ARFGEF1: variants seen among roughly 807,000 people sequenced by gnomAD.
ARFGEF1 encodes ARF guanine nucleotide exchange factor 1.
Under a neutral mutation model 231.0 loss-of-function variants are expected in ARFGEF1, and 42 were observed. The ratio of observed to expected loss-of-function variants is 0.18; its 90% CI spans 0.14 to 0.24. The LOEUF is 0.24. Ranked by LOEUF, ARFGEF1 falls within the 10% of genes least tolerant of loss-of-function variation. The probability of loss-of-function intolerance (pLI) is 1.00; values close to 1 mark genes in which losing one functional copy is unlikely to be tolerated. For synonymous variants in ARFGEF1, 710 were observed against 732.3 expected, an observed-to-expected ratio of 0.97 and a Z score of 0.49; for missense variants, 1,345 against 2,192.0, an observed-to-expected ratio of 0.61 and a Z score of 7.72.
chr8:67,187,577 G>T (rs1023718199), intron 5 of ARFGEF1, among the ~76,000 whole-genome samples: 1 of 152,102 alleles, frequency 6.6e-6, no homozygotes, highest in African/African-American at 2.4e-5. Flanking sequence ...CTAGCTATTT[G>T]GGAGGCTGAG....
intron 1 of ARFGEF1, among the ~76,000 whole-genome samples, chr8:67,325,000 G>A (rs966660028): frequency 1.3e-5 from 2 of 150,060 alleles, no homozygotes; most frequent in African/African-American, 4.9e-5. Flanking sequence ...TGCAACCTCC[G>A]CCTCCTGCAT....
intron 37 of ARFGEF1, among the ~76,000 whole-genome samples, chr8:67,201,114 A>G (rs1011914202): frequency 6.6e-6 from 1 of 152,276 alleles, no homozygotes; most frequent in Non-Finnish European, 1.5e-5. Flanking sequence ...AACGCTAAGA[A>G]AAACTCCAAA....
chr8:67,280,195 C>T (rs940131451), intron 7 of ARFGEF1, among the ~76,000 whole-genome samples: 1 of 152,152 alleles, frequency 6.6e-6, no homozygotes, highest in Non-Finnish European at 1.5e-5. Flanking sequence ...TTCTAAAAGA[C>T]TTCAAAGCCT....
At chr8:67,299,829 G>A (rs1178675989) in intron 3 of ARFGEF1, among the ~76,000 whole-genome samples, 1 of 152,082 alleles carries the variant, frequency 6.6e-6, no homozygotes, top group Non-Finnish European at 1.5e-5. Context: ...TTAGCTGGGT[G>A]TGGTGGTACA....
chr8:67,251,549 A>G, intron 18 of ARFGEF1, 99 bp from the exon 19 acceptor site: 1 of 1,178,858 alleles, frequency 8.5e-7, no homozygotes, highest in Non-Finnish European at 1.1e-6. Context: ...AGTAATTAAA[A>G]GTAATCCTAA....
chr8:67,320,928 C>A (rs1446636928), intron 1 of ARFGEF1, among the ~76,000 whole-genome samples: 1 of 152,044 alleles, frequency 6.6e-6, no homozygotes, highest in Non-Finnish European at 1.5e-5. Context: ...CGCACTTCAG[C>A]CTGGGCAATA....
At chr8:67,201,259 T>A (rs555297389) in intron 37 of ARFGEF1, among the ~76,000 whole-genome samples, 5 of 152,334 alleles carry the variant, frequency 3.3e-5, no homozygotes, top group South Asian at 4.1e-4. Context: ...GAAAACCTCC[T>A]TTGTCCTGCA....
intron 7 of ARFGEF1, among the ~76,000 whole-genome samples, chr8:67,278,831 A>G (rs1470152159): frequency 6.6e-6 from 1 of 152,216 alleles, no homozygotes; most frequent in Non-Finnish European, 1.5e-5. Flanking sequence ...TATAACATGA[A>G]AAATATATTC....
intron 1 of ARFGEF1, among the ~76,000 whole-genome samples, chr8:67,339,697 A>G (rs1808513239): frequency 7.0e-6 from 1 of 143,578 alleles, no homozygotes; most frequent in African/African-American, 2.6e-5. Context: ...CTCTCTCTGC[A>G]GAGAGCTGTA....
chr8:67,292,669 A>G lies in ARFGEF1; in HGVS notation c.640-546T>C, dbSNP rs190966221. The stretch of plus-strand genomic sequence containing the variant: ...ATCTAATAATTATGAAAAAAACTAT[A>G]TCTACAAATGTCTGAATTTTATTTT... On this transcript the variant is annotated intron_variant, in intron 5 of 38. Coordinates refer to ENST00000262215, the MANE Select transcript of ARFGEF1 (RefSeq NM_006421.5). Among the ~76,000 whole-genome samples, 229 of 152,276 alleles carry G rather than the reference A, an allele frequency of 1.5e-3. 1 individual carries two copies. The highest frequency in any genetic ancestry group is 5.4e-3 in the African/African-American group (223 of 41,568).
chr8:67,312,741 G>A (rs1807131403), intron 1 of ARFGEF1, among the ~76,000 whole-genome samples: 2 of 152,202 alleles, frequency 1.3e-5, no homozygotes, highest in African/African-American at 4.8e-5. Context: ...GCTAATGTAT[G>A]CAGAAAAAGT....
rs1320780617 is a variant in ARFGEF1 at position 67,280,382 on chromosome 8, G to T, written c.1028-2925C>A. Among the ~76,000 whole-genome samples the T allele has an allele frequency of 3.3e-5, 5 of 152,294 alleles. No homozygotes were observed. In the East Asian group the frequency reaches 5.8e-4, roughly 18 times the overall value. ...GTAGGTCTCCTAACATAACAAGTAG[G>T]CCAGGAAAGGAGAGAGCAGCATCTC... is the stretch of plus-strand genomic sequence containing the variant. On this transcript the variant is annotated intron_variant, in intron 7 of 38. Transcript: ENST00000262215.
At position 67,198,304 on chromosome 8, in the gene ARFGEF1, A is replaced by G. The variant is rs1016116913; in HGVS notation, c.*630T>C. 10 of 984,154 alleles carry G rather than the reference A, an allele frequency of 1.0e-5. No individual in the cohort carries two copies. Among genetic ancestry groups the G allele is most frequent in the Non-Finnish European group, 1.2e-5 (10 of 828,498 alleles). 61.0% of individuals were successfully genotyped at this position (984,154 alleles called of 1,614,324 possible). On this transcript the variant is annotated 3_prime_UTR_variant, in exon 39 of 39. Transcript: ENST00000262215. ...AAATGTTTAGTGCATTTGACAAAAT[A>G]TTATGGGTATTTAGCAAATGAATAA...
rs544834392 is a variant in ARFGEF1, at chr8:67,320,223, CAAAAAA to C, written c.125-17763_125-17758del. On this transcript the variant is annotated intron_variant, in intron 1 of 38. Transcript: ENST00000262215. ...TGGGTGAAAGAGCAAAACGCTATCT[CAAAAAA>C]AAAAAAAAAAAAAAAAAAAAAGTGC... 2.7e-3 allele frequency among the ~76,000 whole-genome samples: 123 copies of C among 45,252 alleles called. 2 individuals are homozygous for C. Among genetic ancestry groups the C allele is most frequent in the African/African-American group, 9.5e-3 (118 of 12,400 alleles). The allele number at this position is 45,252 out of a possible 152,430, so 29.7% of individuals were successfully genotyped here.
chr8:67,299,394 A>G, intron 3 of ARFGEF1, 39 bp from the exon 4 acceptor site: 1 of 1,561,716 alleles, frequency 6.4e-7, no homozygotes, highest in Non-Finnish European at 8.7e-7. Context: ...TAAGTAAGGT[A>G]ACAAATATTA....
At chr8:67,330,901 C>G (rs932322951) in intron 1 of ARFGEF1, among the ~76,000 whole-genome samples, 2 of 151,966 alleles carry the variant, frequency 1.3e-5, no homozygotes, top group African/African-American at 4.8e-5. Flanking sequence ...TTGGATGAAA[C>G]AAAATAATCA....
At chr8:67,213,548 CACAAT>C (rs992796538) in intron 33 of ARFGEF1, among the ~76,000 whole-genome samples, 2 of 152,136 alleles carry the variant, frequency 1.3e-5, no homozygotes, top group African/African-American at 2.4e-5. Flanking sequence ...TTGGCTAGGA[CACAAT>C]ACCAATATCC....
chr8:67,323,450 A>G (rs1807687982), intron 1 of ARFGEF1, among the ~76,000 whole-genome samples: 1 of 152,168 alleles, frequency 6.6e-6, no homozygotes, highest in Non-Finnish European at 1.5e-5. Flanking sequence ...ATAAACTACT[A>G]TCAACCAAAC....
chr8:67,226,964 A>C (rs534330594), intron 27 of ARFGEF1, among the ~76,000 whole-genome samples, 173 bp downstream of exon 27: 2 of 152,222 alleles, frequency 1.3e-5, no homozygotes, highest in East Asian at 3.9e-4. Context: ...GTAAATACTC[A>C]ATAAATGTTA....
Sources: gnomAD v4.1 joint callset for allele counts (sites outside exome capture counted in the v4.1 genomes callset) on GRCh38, gnomAD v4.1.1 for gene constraint, MANE v1.5 for transcripts, NCBI Gene and HGNC (gene_info 2026-07-23, HGNC 2026-07-21) for gene names.